PARD3B: variants seen among roughly 807,000 people sequenced by gnomAD.
PARD3B encodes par-3 family cell polarity regulator beta.
A neutral mutation model predicts 130.2 loss-of-function variants in PARD3B; 103 were observed. The observed-to-expected ratio is 0.79, with a 90% CI of 0.67 to 0.93. The LOEUF (loss-of-function observed/expected upper bound fraction) is 0.93, where lower values mean the gene tolerates loss of function less well. Ranked by LOEUF, PARD3B falls within the 40% of genes least tolerant of loss-of-function variation. PARD3B has a pLI of 0.00. For synonymous variants in PARD3B, 583 were observed against 553.2 expected (o/e 1.05, Z -0.76); for missense variants, 1,609 against 1,499.2 (o/e 1.07, Z -1.21).
In PARD3B at chr2:205,172,304, C is replaced by T. The variant is rs200514959; in HGVS notation, c.1714C>T (p.Arg572Trp). 129 of 1,614,056 alleles carry T rather than the reference C, an allele frequency of 8.0e-5. No homozygotes were observed. The highest frequency in any genetic ancestry group is 2.3e-4 in the Admixed American group (14 of 60,010). The change falls in exon 12 of 23, where the codon CGG (arginine) becomes TGG (tryptophan). Residue 572 changes from arginine (R) to tryptophan (W), a missense_variant. Arg to Trp is a moderately radical substitution (Grantham distance 101, BLOSUM62 -3). Transcript: ENST00000406610. ...SNHEAMETLR[R>W]SMSMEGNIRG... ...CCACGAAGCTATGGAAACACTTAGG[C>T]GGTCAATGTCCATGGAGGGAAACAT...
At position 205,499,923 on chromosome 2, in the gene PARD3B, C is replaced by A. The variant is rs371258262; in HGVS notation, c.3072C>A (p.Asp1024Glu). 5 of 1,613,746 alleles carry A rather than the reference C, an allele frequency of 3.1e-6. No homozygotes were observed. Among genetic ancestry groups the A allele is most frequent in the Middle Eastern group, 1.7e-4 (1 of 6,056 alleles). The change falls in exon 21 of 23, where the codon GAC (aspartate) becomes GAA (glutamate). Residue 1024 changes from aspartate (D) to glutamate (E), a missense_variant. Physicochemically the swap from Asp to Glu is conservative, Grantham distance 45. Coordinates refer to ENST00000406610, the MANE Select transcript of PARD3B (RefSeq NM_001302769.2). ...GCCGTCCTACGGGTGGAAGCACTGA[C>A]CGTATCCAGAAGTTGCGGAAAGAGT... ...DSGRPTGGSTDRIQKLRKEYY... is the reference protein window; with the variant it reads ...DSGRPTGGSTERIQKLRKEYY...
intron 1 of PARD3B, among the ~76,000 whole-genome samples, chr2:204,583,810 G>C (rs1158800689): frequency 6.6e-6 from 1 of 152,154 alleles, no homozygotes; most frequent in East Asian, 1.9e-4. Flanking sequence ...TATTCTTTTC[G>C]TGTATTGATC....
intron 21 of PARD3B, among the ~76,000 whole-genome samples, chr2:205,519,050 A>ATGAT (rs1442044397): frequency 1.3e-5 from 2 of 152,034 alleles, no homozygotes; most frequent in African/African-American, 4.8e-5. Context: ...GGAAAATCTG[A>ATGAT]TGATTGTGTG....
At chr2:205,498,109 A>T (rs2050008743) in intron 20 of PARD3B, among the ~76,000 whole-genome samples, 1 of 150,940 alleles carries the variant, frequency 6.6e-6, no homozygotes, top group African/African-American at 2.4e-5. Flanking sequence ...CTGAGACAGG[A>T]GAATCGCTTG....
intron 1 of PARD3B, among the ~76,000 whole-genome samples, chr2:204,685,569 C>T (rs991616667): frequency 6.6e-6 from 1 of 152,192 alleles, no homozygotes; most frequent in Admixed American, 6.5e-5. Flanking sequence ...GTGAATTCCC[C>T]ATTCAACTCT....
chr2:205,298,103 G>A (rs897081147), intron 16 of PARD3B, among the ~76,000 whole-genome samples: 7 of 152,136 alleles, frequency 4.6e-5, no homozygotes, highest in African/African-American at 9.7e-5. Context: ...AAACGTTGAC[G>A]TGAATGCTTA....
intron 2 of PARD3B, among the ~76,000 whole-genome samples, chr2:204,938,571 T>C (rs1688644484): frequency 1.3e-5 from 2 of 152,240 alleles, no homozygotes; most frequent in African/African-American, 2.4e-5. Context: ...AAAAATTCTA[T>C]ATTTGTACAT....
At position 204,606,671 on chromosome 2, in the gene PARD3B, G is replaced by A. The variant is rs537748751; in HGVS notation, c.120+60552G>A. Among the ~76,000 whole-genome samples the A allele has an allele frequency of 2.2e-3, 337 of 152,214 alleles. 3 individuals carry two copies. Among genetic ancestry groups the A allele is most frequent in the African/African-American group, 7.4e-3 (309 of 41,526 alleles). ...AGCTCCAGTGGCTACCACAGATGAC[G>A]CACTGGTCTCATTACCTATTCCGGT... On this transcript the variant is annotated intron_variant, in intron 1 of 22. Transcript: ENST00000406610. This position sits in a 1 kb window ranked among gnomAD's most constrained non-coding sequence, Gnocchi z 4.0.
At chr2:204,893,217 A>G (rs999551308) in intron 2 of PARD3B, among the ~76,000 whole-genome samples, 3 of 152,210 alleles carry the variant, frequency 2.0e-5, no homozygotes, top group Non-Finnish European at 4.4e-5. Flanking sequence ...GAGTAAGATG[A>G]GGACTCTGAA....
chr2:205,451,086 ATG>A (rs2048086280), intron 20 of PARD3B, among the ~76,000 whole-genome samples: 2 of 152,148 alleles, frequency 1.3e-5, no homozygotes, highest in African/African-American at 4.8e-5. Context: ...GCTGATACAC[ATG>A]TGTCTCGCCC....
intron 3 of PARD3B, among the ~76,000 whole-genome samples, chr2:205,027,623 CCAAAT>C (rs1697128174): frequency 6.6e-6 from 1 of 151,850 alleles, no homozygotes; most frequent in East Asian, 1.9e-4. Flanking sequence ...AGTGTCATAT[CCAAAT>C]ATCATTGCCA....
intron 1 of PARD3B, among the ~76,000 whole-genome samples, chr2:204,682,640 G>A (rs973565645): frequency 1.3e-5 from 2 of 152,102 alleles, no homozygotes; most frequent in Admixed American, 1.3e-4. Context: ...AATTCATGTA[G>A]CCCCTCTCCA....
intron 21 of PARD3B, among the ~76,000 whole-genome samples, chr2:205,528,405 A>G (rs2051430452): frequency 6.6e-6 from 1 of 152,180 alleles, no homozygotes; most frequent in South Asian, 2.1e-4. Context: ...AGAAACATCT[A>G]TGAGTCTCCA....
intron 15 of PARD3B, among the ~76,000 whole-genome samples, chr2:205,234,027 G>A (rs937436057): frequency 1.3e-5 from 2 of 152,074 alleles, no homozygotes; most frequent in Non-Finnish European, 2.9e-5. Context: ...ACCCAAAAGA[G>A]GCAGAGTAGG....
rs533928564 is a variant in PARD3B, at chr2:204,610,497, A to G, written c.120+64378A>G. Among the ~76,000 whole-genome samples, 346 of 152,288 alleles carry G rather than the reference A, an allele frequency of 2.3e-3. 3 individuals carry two copies. Among genetic ancestry groups the G allele is most frequent in the African/African-American group, 7.8e-3 (325 of 41,556 alleles). On this transcript the variant is annotated intron_variant, in intron 1 of 22. Coordinates refer to ENST00000406610, the MANE Select transcript of PARD3B (RefSeq NM_001302769.2). This position sits in a 1 kb window ranked among gnomAD's most constrained non-coding sequence, Gnocchi z 4.1. The stretch of plus-strand genomic sequence containing the variant: ...CAGCCTCCCGAGTGGCTGGGATTAC[A>G]GATGCACACCACCATGCCCAGCTAA...
intron 2 of PARD3B, among the ~76,000 whole-genome samples, chr2:204,783,352 G>T (rs1337048927): frequency 6.6e-6 from 1 of 152,108 alleles, no homozygotes; most frequent in Admixed American, 6.5e-5. Context: ...TGTTCTCTGT[G>T]TGGGTATGGA....
At chr2:204,915,188 C>T (rs1237791891) in intron 2 of PARD3B, among the ~76,000 whole-genome samples, 1 of 152,160 alleles carries the variant, frequency 6.6e-6, no homozygotes, top group Non-Finnish European at 1.5e-5. Context: ...CATGTGTGAA[C>T]ATACAGCTTT....
chr2:205,040,685 C>G (rs1038696624), intron 3 of PARD3B, among the ~76,000 whole-genome samples: 6 of 152,152 alleles, frequency 3.9e-5, no homozygotes, highest in African/African-American at 1.4e-4. Context: ...AGAACTTTAG[C>G]CACTTGCAGT....
chr2:204,880,605 G>A (rs2046005515), intron 2 of PARD3B, among the ~76,000 whole-genome samples: 4 of 145,090 alleles, frequency 2.8e-5, no homozygotes, highest in Admixed American at 7.2e-5. Context: ...ATTGCAGTGA[G>A]CTGAGATCAT....
Sources: allele counts gnomAD v4.1 joint callset (sites outside exome capture counted in the v4.1 genomes callset), GRCh38; gene constraint gnomAD v4.1.1; non-coding constraint Gnocchi (gnomAD v3.1); transcripts MANE v1.5; gene names NCBI Gene and HGNC (gene_info 2026-07-23, HGNC 2026-07-21).